Variants in SEMA3D observed in about 807,000 individuals in gnomAD.
SEMA3D encodes the protein semaphorin 3D.
Under a neutral mutation model 100.1 loss-of-function variants are expected in SEMA3D, and 84 were observed. The ratio of observed to expected loss-of-function variants is 0.84; its 90% CI spans 0.70 to 1.01. SEMA3D has a LOEUF of 1.01. Among genes scored for constraint, SEMA3D ranks in the 50% least tolerant of loss-of-function variants. The pLI is 0.00. For missense variants in SEMA3D, 875 were observed against 934.1 expected (o/e 0.94, Z 0.82); for synonymous variants, 312 against 320.7 (o/e 0.97, Z 0.29).
intron 4 of SEMA3D, among the ~76,000 whole-genome samples, chr7:85,083,554 A>G (rs1165501239): frequency 6.6e-6 from 1 of 152,178 alleles, no homozygotes; most frequent in Admixed American, 6.5e-5. Flanking sequence ...GCTTCTTAAA[A>G]ATTGCATCGG....
At chr7:85,198,085 A>G in the SEMA3D span, among the ~76,000 whole-genome samples, 711 of 152,322 alleles carry the variant, frequency 4.7e-3, 7 homozygotes, top group African/African-American at 0.017. Context: ...GCTAAGATTC[A>G]TATAAAAAAT....
chr7:85,111,598 A>C (rs970177451), intron 3 of SEMA3D, among the ~76,000 whole-genome samples: 1 of 152,012 alleles, frequency 6.6e-6, no homozygotes, highest in African/African-American at 2.4e-5. Context: ...CAATAGCCTC[A>C]AACTTGGCTC....
chr7:85,067,357 T>C (rs1382273955), intron 7 of SEMA3D, among the ~76,000 whole-genome samples: 1 of 152,124 alleles, frequency 6.6e-6, no homozygotes, highest in Non-Finnish European at 1.5e-5. Context: ...TCTATCTCAT[T>C]TTCTGAGAAT....
chr7:85,231,804 C>T, the SEMA3D span, among the ~76,000 whole-genome samples: 1 of 152,056 alleles, frequency 6.6e-6, no homozygotes, highest in Non-Finnish European at 1.5e-5. Context: ...TTGCATTTTT[C>T]CATCTTTTTT....
intron 6 of SEMA3D, among the ~76,000 whole-genome samples, chr7:85,069,279 C>T (rs1362101039): frequency 6.6e-6 from 1 of 152,100 alleles, no homozygotes; most frequent in African/African-American, 2.4e-5. Flanking sequence ...CACTTCAGAT[C>T]TTTGTTTTTC....
chr7:85,084,311 A>T (rs1261706063), intron 4 of SEMA3D, among the ~76,000 whole-genome samples: 1 of 152,140 alleles, frequency 6.6e-6, no homozygotes, highest in Non-Finnish European at 1.5e-5. Context: ...TACCATTTTA[A>T]CAATTTTCAG....
intron 12 of SEMA3D, among the ~76,000 whole-genome samples, chr7:85,033,893 A>C (rs1433163513): frequency 6.7e-6 from 1 of 149,460 alleles, no homozygotes; most frequent in Non-Finnish European, 1.5e-5. Flanking sequence ...ACACACACAC[A>C]ATCTCCCAGG....
At chr7:85,206,938 ATTCTGC>A in the SEMA3D span, among the ~76,000 whole-genome samples, 234 of 152,220 alleles carry the variant, frequency 1.5e-3, no homozygotes, top group African/African-American at 5.5e-3. Context: ...TATCCAATAC[ATTCTGC>A]TTCTGCTTTA....
intron 3 of SEMA3D, among the ~76,000 whole-genome samples, chr7:85,114,197 A>G (rs1359760800): frequency 2.0e-5 from 3 of 152,186 alleles, no homozygotes; most frequent in African/African-American, 4.8e-5. Context: ...CCATAACACA[A>G]AATTAATGGT....
the SEMA3D span, among the ~76,000 whole-genome samples, chr7:85,210,753 G>A: frequency 6.6e-6 from 1 of 152,020 alleles, no homozygotes; most frequent in Non-Finnish European, 1.5e-5. Flanking sequence ...AAGTTGCTAT[G>A]TTAGGCTATC....
intron 16 of SEMA3D, among the ~76,000 whole-genome samples, chr7:85,013,929 G>T (rs1216353899): frequency 2.0e-5 from 3 of 151,682 alleles, no homozygotes; most frequent in Non-Finnish European, 2.9e-5. Context: ...TCAGCTTCTA[G>T]GAAAGCATTC....
At chr7:85,237,766 G>C in the SEMA3D span, among the ~76,000 whole-genome samples, 2 of 152,178 alleles carry the variant, frequency 1.3e-5, no homozygotes, top group African/African-American at 2.4e-5. Context: ...TAGCTTTTGT[G>C]TGAGCGTAAG....
Position 85,022,504 on chromosome 7 carries a change from A to G in SEMA3D, c.1301T>C (p.Val434Ala), listed in dbSNP as rs755193413. The change falls in exon 13 of 19, where the codon GTT (valine) becomes GCT (alanine). Residue 434 changes from valine (V) to alanine (A), a missense_variant. By Grantham distance (64) the Val-to-Ala change is moderately conservative (BLOSUM62 0). Transcript: ENST00000284136. ...HSVMYKSVYP[V>A]AGGPTFKRIN... is the part of the protein sequence containing the mutation. ...TCTCTTGAACGTTGGTCCTCCTGCA[A>G]CTGGGTATACGGACTTATACATCAC... The G allele has an allele frequency of 2.5e-6, 4 of 1,612,342 alleles. No individual in the cohort carries two copies. Among genetic ancestry groups the G allele is most frequent in the African/African-American group, 1.3e-5 (1 of 74,906 alleles).
chr7:85,235,528 G>A, the SEMA3D span, among the ~76,000 whole-genome samples: 1 of 152,130 alleles, frequency 6.6e-6, no homozygotes, highest in Non-Finnish European at 1.5e-5. Context: ...AATGTTTAAA[G>A]GAGGATCTCT....
chr7:85,215,202 C>T, the SEMA3D span, among the ~76,000 whole-genome samples: 183 of 151,214 alleles, frequency 1.2e-3, no homozygotes, highest in Non-Finnish European at 2.2e-3. Flanking sequence ...ATCTCAATTG[C>T]CCTGCACTCA....
intron 3 of SEMA3D, among the ~76,000 whole-genome samples, chr7:85,100,441 T>A (rs1035587180): frequency 2.6e-5 from 4 of 151,852 alleles, no homozygotes; most frequent in Admixed American, 1.3e-4. Context: ...TACGATATTA[T>A]CTTATTTTTT....
intron 2 of SEMA3D, among the ~76,000 whole-genome samples, chr7:85,128,789 T>A (rs1789636412): frequency 1.3e-5 from 2 of 151,518 alleles, no homozygotes; most frequent in Admixed American, 1.3e-4. Flanking sequence ...AGTTAGTGGC[T>A]CCATGGTCTC....
At chr7:85,086,884 G>A (rs1788232586) in intron 4 of SEMA3D, among the ~76,000 whole-genome samples, 1 of 152,016 alleles carries the variant, frequency 6.6e-6, no homozygotes. Flanking sequence ...CTTTGAGATT[G>A]CGTCACTATT....
chr7:85,121,514 T>C lies in SEMA3D; in HGVS notation c.151+227A>G, dbSNP rs576578779. Among the ~76,000 whole-genome samples, 8 of 152,300 alleles carry C rather than the reference T, an allele frequency of 5.3e-5. No homozygotes were observed. In the South Asian group the frequency reaches 1.2e-3, roughly 24 times the overall value. On this transcript the variant is annotated intron_variant, in intron 3 of 18. Coordinates refer to ENST00000284136, the MANE Select transcript of SEMA3D (RefSeq NM_001384900.1). ...AACTGTTTACCACTTGCAGATCAAA[T>C]TGAATATTATAAATACTGGGCTGAA... is the stretch of plus-strand genomic sequence containing the variant.
Sources: gnomAD v4.1 joint callset for allele counts (sites outside exome capture counted in the v4.1 genomes callset) on GRCh38, gnomAD v4.1.1 for gene constraint, MANE v1.5 for transcripts, NCBI Gene and HGNC (gene_info 2026-07-23, HGNC 2026-07-21) for gene names.